The following PKHD1 variants were observed in gnomAD, a reference collection of about 807,000 sequenced individuals.
The protein encoded by PKHD1 is fibrocystin.
Under a neutral mutation model 412.0 loss-of-function variants are expected in PKHD1, and 291 were observed. The ratio of observed to expected loss-of-function variants is 0.71; its 90% CI spans 0.64 to 0.78. PKHD1 has a LOEUF of 0.78. Ranked by LOEUF, PKHD1 falls within the 30% of genes least tolerant of loss-of-function variation. The pLI is 0.00. For missense variants in PKHD1, 4,825 were observed against 4,950.7 expected, an observed-to-expected ratio of 0.97 and a Z score of 0.76; for synonymous variants, 1,777 against 1,821.5, an observed-to-expected ratio of 0.98 and a Z score of 0.62.
At chr6:51,790,878 A>C (rs994260107) in intron 53 of PKHD1, among the ~76,000 whole-genome samples, 2 of 152,226 alleles carry the variant, frequency 1.3e-5, no homozygotes, top group African/African-American at 4.8e-5. Flanking sequence ...ATGATATCAA[A>C]TCCATCCTAT....
rs1007369231 is a variant in PKHD1, at chr6:51,719,213, AT to A, written c.10156+25171del. ...TAAGAGTTAGATCATGTTTAAGACA[AT>A]TTTTTTTTTCTTGAGACAGGGTCTC... On this transcript the variant is annotated intron_variant, in intron 60 of 66. Transcript: ENST00000371117. Among the ~76,000 whole-genome samples the A allele has an allele frequency of 1.5e-4, 22 of 149,720 alleles. No individual in the cohort carries two copies. In the South Asian group the frequency reaches 1.5e-3, roughly 10 times the overall value.
At chr6:51,868,245 G>T in intron 47 of PKHD1, 136 bp from the exon 48 acceptor site, 1 of 817,702 alleles carries the variant, frequency 1.2e-6, no homozygotes, top group Non-Finnish European at 2.0e-6. Flanking sequence ...GAAAAAAAGT[G>T]TTTTCTGTGG....
intron 52 of PKHD1, among the ~76,000 whole-genome samples, chr6:51,813,258 A>G (rs1263627577): frequency 6.6e-6 from 1 of 152,190 alleles, no homozygotes; most frequent in African/African-American, 2.4e-5. Context: ...TAGTGTGTCA[A>G]ACATGGTGCC....
At chr6:51,812,636 C>T (rs567915387) in intron 52 of PKHD1, among the ~76,000 whole-genome samples, 2 of 152,228 alleles carry the variant, frequency 1.3e-5, no homozygotes, top group East Asian at 1.9e-4. Context: ...AGTATTTTAC[C>T]GCAAAATATA....
At chr6:52,006,352 T>TG (rs1289705067) in intron 35 of PKHD1, among the ~76,000 whole-genome samples, 4 of 144,164 alleles carry the variant, frequency 2.8e-5, no homozygotes, top group African/African-American at 1.0e-4. Flanking sequence ...TTGGTTTGTT[T>TG]TTTGTTGTTG....
chr6:51,826,041 A>G (rs1767245049), intron 52 of PKHD1, among the ~76,000 whole-genome samples: 2 of 152,182 alleles, frequency 1.3e-5, no homozygotes, highest in African/African-American at 4.8e-5. Flanking sequence ...AATCTCAGAT[A>G]AGAAAAAGGT....
In PKHD1 at chr6:52,005,100, A is replaced by T. The variant is rs1366720355; in HGVS notation, c.5751+5209T>A. ...GCACAGAGAAATGGAACCCAAAAAGAGTTTTTTGGGTTTCCCTGAACTCAA... is the reference window on the plus strand; with the variant it reads ...GCACAGAGAAATGGAACCCAAAAAGTGTTTTTTGGGTTTCCCTGAACTCAA... On this transcript the variant is annotated intron_variant, in intron 35 of 66. Coordinates refer to ENST00000371117, the MANE Select transcript of PKHD1 (RefSeq NM_138694.4). Among the ~76,000 whole-genome samples, 4 of 152,140 alleles carry T rather than the reference A, an allele frequency of 2.6e-5. No homozygotes were observed. In the East Asian group the frequency reaches 7.7e-4, roughly 29 times the overall value.
chr6:51,796,311 C>T (rs1208691024), intron 52 of PKHD1, among the ~76,000 whole-genome samples: 1 of 152,022 alleles, frequency 6.6e-6, no homozygotes, highest in Non-Finnish European at 1.5e-5. Flanking sequence ...TTATAATATT[C>T]CCTGAGGGTT....
intron 43 of PKHD1, among the ~76,000 whole-genome samples, chr6:51,899,013 G>A (rs1780699832): frequency 1.3e-5 from 2 of 152,148 alleles, no homozygotes; most frequent in South Asian, 4.1e-4. Context: ...CTGAAATTGT[G>A]GCAATAATCA....
At chr6:52,055,406 G>A (rs1359798684) in intron 19 of PKHD1, among the ~76,000 whole-genome samples, 181 bp downstream of exon 19, 1 of 152,186 alleles carries the variant, frequency 6.6e-6, no homozygotes, top group East Asian at 1.9e-4. Flanking sequence ...CACACAAGTG[G>A]GGGCCAGTGG....
intron 60 of PKHD1, among the ~76,000 whole-genome samples, chr6:51,733,713 G>A (rs967622753): frequency 3.3e-5 from 5 of 152,086 alleles, no homozygotes; most frequent in African/African-American, 1.2e-4. Context: ...TAAAATCATT[G>A]TCTTACTGTC....
chr6:51,947,829 T>C (rs1025686898), intron 36 of PKHD1, among the ~76,000 whole-genome samples: 5 of 152,146 alleles, frequency 3.3e-5, no homozygotes, highest in Non-Finnish European at 5.9e-5. Context: ...AAGATTCACA[T>C]ACCCAACTGC....
At chr6:51,657,168 G>T (rs1325390969) in intron 61 of PKHD1, among the ~76,000 whole-genome samples, 1 of 151,664 alleles carries the variant, frequency 6.6e-6, no homozygotes, top group Non-Finnish European at 1.5e-5. Flanking sequence ...ATTTCTGCTG[G>T]CTTAAGGTCA....
chr6:51,933,550 A>G (rs1439528548), intron 37 of PKHD1, among the ~76,000 whole-genome samples: 4 of 152,218 alleles, frequency 2.6e-5, no homozygotes, highest in Non-Finnish European at 4.4e-5. Flanking sequence ...TACAAATGCA[A>G]ATTTCAGTGG....
chr6:51,890,840 A>G (rs371771741), intron 43 of PKHD1, among the ~76,000 whole-genome samples: 1 of 152,206 alleles, frequency 6.6e-6, no homozygotes, highest in African/African-American at 2.4e-5. Context: ...GAATTTCAGC[A>G]TTATGGAGAT....
At chr6:52,084,841 G>C in intron 2 of PKHD1, 41 bp downstream of exon 2, 1 of 1,208,902 alleles carries the variant, frequency 8.3e-7, no homozygotes, top group Non-Finnish European at 1.2e-6. Flanking sequence ...GTAACCTATT[G>C]TGTTCTTACC....
chr6:51,639,180 T>C (rs994715652), intron 63 of PKHD1, among the ~76,000 whole-genome samples: 2 of 152,074 alleles, frequency 1.3e-5, no homozygotes, highest in Non-Finnish European at 2.9e-5. Context: ...CCAGACACTG[T>C]TCTATATATA....
rs368613297 is a variant in PKHD1 at position 52,058,362 on chromosome 6, G to T, written c.1473C>A (p.His491Gln). 3.7e-6 allele frequency: 6 copies of T among 1,614,152 alleles called. No individual in the cohort carries two copies. The highest frequency in any genetic ancestry group is 1.7e-5 in the Admixed American group (1 of 60,030). Reference sequence around the variant, plus strand: ...GCCTCTGGGCTCGGACTCGGATCTGGTGCTTCTCCCGTAGGTAAGTGGTGA... The same window carrying T: ...GCCTCTGGGCTCGGACTCGGATCTGTTGCTTCTCCCGTAGGTAAGTGGTGA... ...DVVTTYLREK[H>Q]QIRVRAQRLP... Residue 491 changes from histidine (H) to glutamine (Q), a missense_variant, in exon 16 of 67, where the codon CAC becomes CAA. By Grantham distance (24) the His-to-Gln change is conservative. Transcript: ENST00000371117.
intron 43 of PKHD1, among the ~76,000 whole-genome samples, chr6:51,896,327 A>G (rs1779986499): frequency 6.6e-6 from 1 of 152,080 alleles, no homozygotes; most frequent in Non-Finnish European, 1.5e-5. Flanking sequence ...GAGAACGGGC[A>G]GACTGCCTCC....
Sources: gnomAD v4.1 joint callset for allele counts (sites outside exome capture counted in the v4.1 genomes callset) on GRCh38, gnomAD v4.1.1 for gene constraint, MANE v1.5 for transcripts, NCBI Gene and HGNC (gene_info 2026-07-23, HGNC 2026-07-21) for gene names.